The following USP33 variants were observed in gnomAD, a reference collection of about 807,000 sequenced individuals.
The protein encoded by USP33 is ubiquitin carboxyl-terminal hydrolase 33.
In USP33, 46 loss-of-function variants were observed where a neutral mutation model predicts 124.2. That is an observed-to-expected ratio of 0.37 (90% CI 0.29 to 0.47). USP33 has a LOEUF of 0.47. Ranked by LOEUF, USP33 falls within the 20% of genes least tolerant of loss-of-function variation. The pLI is 0.99. For synonymous variants in USP33, 350 were observed against 352.3 expected (o/e 0.99, Z 0.07); for missense variants, 851 against 1,070.6 (o/e 0.79, Z 2.86).
chr1:77,759,394 A>G (rs1021492303), intron 1 of USP33: 5 of 391,922 alleles, frequency 1.3e-5, no homozygotes, highest in Non-Finnish European at 2.2e-5. Flanking sequence ...CCCTTCCTCA[A>G]ATCAACGACC....
chr1:77,723,215 G>C (rs1256823148), intron 12 of USP33, 116 bp downstream of exon 12: 9 of 793,518 alleles, frequency 1.1e-5, no homozygotes, highest in Non-Finnish European at 1.6e-5. Context: ...CACAATAAAT[G>C]CATGTATGCT....
At chr1:77,725,187 A>T (rs1332387719) in intron 11 of USP33, among the ~76,000 whole-genome samples, 1 of 152,238 alleles carries the variant, frequency 6.6e-6, no homozygotes, top group African/African-American at 2.4e-5. Flanking sequence ...TAAAAAAATC[A>T]AAAGACTACA....
chr1:77,726,053 G>A (rs376052291), intron 10 of USP33, among the ~76,000 whole-genome samples: 3 of 152,258 alleles, frequency 2.0e-5, no homozygotes, highest in Admixed American at 6.5e-5. Flanking sequence ...GGATTCAAGC[G>A]ATTCTTCTGC....
intron 1 of USP33, among the ~76,000 whole-genome samples, chr1:77,757,095 C>T (rs1455080362): frequency 1.3e-5 from 2 of 152,222 alleles, no homozygotes; most frequent in Non-Finnish European, 2.9e-5. Flanking sequence ...TTAATCTGTT[C>T]ACATTACAAA....
chr1:77,713,388 T>A (rs929573578), intron 19 of USP33, 107 bp from the exon 20 acceptor site: 1 of 958,332 alleles, frequency 1.0e-6, no homozygotes, highest in East Asian at 3.0e-5. Context: ...TCAATCATCA[T>A]TGTTTTTTTA....
At chr1:77,698,963 G>T (rs1033329217) in intron 22 of USP33, among the ~76,000 whole-genome samples, 9 of 151,854 alleles carry the variant, frequency 5.9e-5, no homozygotes, top group African/African-American at 2.2e-4. Flanking sequence ...AAAAGAAACC[G>T]TTTAAATACA....
At chr1:77,735,122 C>CA (rs11369231) in intron 6 of USP33, among the ~76,000 whole-genome samples, 62,352 of 144,538 alleles carry the variant, frequency 0.43, 15,133 homozygotes, top group African/African-American at 0.68. Context: ...GACTCCATCT[C>CA]AAAAAAAAAA....
Position 77,698,044 on chromosome 1 carries a change from TCAGG to T in USP33, c.2510-117_2510-114del, listed in dbSNP as rs1673590664. On this transcript the variant is annotated intron_variant, in intron 22 of 23. Coordinates refer to ENST00000370794, the MANE Select transcript of USP33 (RefSeq NM_201624.3). ...ACTACATTATCAGACTGGTTATTTC[TCAGG>T]CAAATTATTATAGTTAATTCTTTTT... The T allele has an allele frequency of 4.3e-5, 31 of 728,198 alleles. No individual in the cohort carries two copies. The South Asian group carries it at 5.8e-4, about 14-fold the overall frequency. The allele number at this position is 728,198 out of a possible 1,614,324, so 45.1% of individuals were successfully genotyped here.
At chr1:77,701,982 A>T (rs537262754) in intron 21 of USP33, among the ~76,000 whole-genome samples, 6 of 151,748 alleles carry the variant, frequency 4.0e-5, no homozygotes, top group African/African-American at 9.7e-5. Context: ...CACACAAAAA[A>T]TTTTTTTAAT....
At chr1:77,732,714 G>A (rs948888906) in intron 7 of USP33, among the ~76,000 whole-genome samples, 18 of 151,266 alleles carry the variant, frequency 1.2e-4, no homozygotes, top group African/African-American at 4.4e-4. Flanking sequence ...GGAGCATTCT[G>A]CTAGGAATGC....
chr1:77,705,083 C>A (rs1197149588), intron 21 of USP33, among the ~76,000 whole-genome samples: 1 of 145,532 alleles, frequency 6.9e-6, no homozygotes, highest in African/African-American at 2.6e-5. Context: ...TTTTTATATT[C>A]CAGTGTTATT....
intron 1 of USP33, among the ~76,000 whole-genome samples, chr1:77,749,552 T>C (rs779865925): frequency 1.3e-5 from 2 of 152,234 alleles, no homozygotes; most frequent in Non-Finnish European, 2.9e-5. Flanking sequence ...TGGCTAATTT[T>C]TGTATTATTA....
chr1:77,702,243 A>C (rs1213961616), intron 21 of USP33, among the ~76,000 whole-genome samples: 1 of 151,540 alleles, frequency 6.6e-6, no homozygotes, highest in Admixed American at 6.6e-5. Flanking sequence ...ATGAATAAAC[A>C]ATTCTAGGTT....
At chr1:77,705,668 A>T (rs907199926) in intron 21 of USP33, among the ~76,000 whole-genome samples, 6 of 132,322 alleles carry the variant, frequency 4.5e-5, no homozygotes, top group Admixed American at 7.6e-5. Flanking sequence ...GATTTGCTTT[A>T]AAAAAAAAAA....
chr1:77,714,901 G>A, intron 18 of USP33, 118 bp from the exon 19 acceptor site: 7 of 1,018,880 alleles, frequency 6.9e-6, no homozygotes, highest in Non-Finnish European at 1.0e-5. Context: ...TAGGTCTTGG[G>A]AATTTCAAGA....
chr1:77,715,498 C>T (rs900194737), intron 18 of USP33, among the ~76,000 whole-genome samples: 1 of 152,218 alleles, frequency 6.6e-6, no homozygotes, highest in Non-Finnish European at 1.5e-5. Context: ...AGCCACTGTG[C>T]CCGGCACTAA....
In USP33 at chr1:77,728,645, T is replaced by C; in HGVS notation, c.785A>G (p.Glu262Gly). 6.2e-7 allele frequency: 1 copy of C among 1,614,110 alleles called. No homozygotes were observed. The stretch of plus-strand genomic sequence containing the variant: ...TATGGTTTGCGGATCTTCTTCTACT[T>C]CCATGACTTGCTCTTTCAATTCTTC... ...LHEELKEQVM[E>G]VEEDPQTITT... The change falls in exon 10 of 24, where the codon GAA becomes GGA. Residue 262 changes from glutamate (E) to glycine (G), a missense_variant. Glu to Gly is a moderately conservative substitution (Grantham distance 98). Around this residue, in one of 4 missense-constraint regions of USP33, gnomAD observed 207 missense variants for 200.9 expected, o/e 1.03. Coordinates refer to ENST00000370794, the MANE Select transcript of USP33 (RefSeq NM_201624.3).
At chr1:77,710,680 A>G (rs772840517) in intron 21 of USP33, among the ~76,000 whole-genome samples, 68 of 152,334 alleles carry the variant, frequency 4.5e-4, no homozygotes, top group Non-Finnish European at 8.7e-4. Context: ...CAGGAAATGA[A>G]TAATACAAAA....
rs1681103480 is a variant in USP33 at position 77,759,311 on chromosome 1, C to G, written c.-52+332G>C. 9 of 320,600 alleles carry G rather than the reference C, an allele frequency of 2.8e-5. No individual in the cohort carries two copies. In the East Asian group the frequency reaches 4.3e-4, roughly 15 times the overall value. The allele number at this position is 320,600 out of a possible 1,614,324, so 19.9% of individuals were successfully genotyped here. Reference sequence around the variant, plus strand: ...GACTGGCAAGCCTGAGTGGGGAGACCGAGGAAGGGAGCAGAGCCCCCGCTT... The same window carrying G: ...GACTGGCAAGCCTGAGTGGGGAGACGGAGGAAGGGAGCAGAGCCCCCGCTT... On this transcript the variant is annotated intron_variant, in intron 1 of 23. Transcript: ENST00000370794.
Sources: allele counts gnomAD v4.1 joint callset (sites outside exome capture counted in the v4.1 genomes callset), GRCh38; gene constraint gnomAD v4.1.1; regional missense constraint gnomAD v4.1.1; transcripts MANE v1.5; gene names NCBI Gene and HGNC (gene_info 2026-07-23, HGNC 2026-07-21).